CNTN5: variants seen among roughly 807,000 people sequenced by gnomAD.
CNTN5 encodes the protein contactin 5, also known as contactin-5.
Under a neutral mutation model 129.1 loss-of-function variants are expected in CNTN5, and 77 were observed. The observed-to-expected ratio is 0.60, with a 90% CI of 0.50 to 0.72. The LOEUF is 0.72. Ranked by LOEUF, CNTN5 falls within the 30% of genes least tolerant of loss-of-function variation. The pLI is 0.00. For missense variants in CNTN5, 1,478 were observed against 1,328.8 expected, an observed-to-expected ratio of 1.11 and a Z score of -1.75; for synonymous variants, 509 against 465.6, an observed-to-expected ratio of 1.09 and a Z score of -1.20.
At chr11:99,399,196 T>A (rs1941677123) in intron 2 of CNTN5, among the ~76,000 whole-genome samples, 1 of 151,406 alleles carries the variant, frequency 6.6e-6, no homozygotes, top group South Asian at 2.1e-4. Flanking sequence ...AATGATATAA[T>A]ACATATACTT....
chr11:100,193,281 G>T (rs1446222818), intron 14 of CNTN5, among the ~76,000 whole-genome samples: 1 of 151,884 alleles, frequency 6.6e-6, no homozygotes, highest in Non-Finnish European at 1.5e-5. Context: ...AATAGGAACA[G>T]AGGCTCTTAA....
At chr11:99,030,036 A>T (rs187974305) in intron 1 of CNTN5, among the ~76,000 whole-genome samples, 4 of 152,310 alleles carry the variant, frequency 2.6e-5, no homozygotes, top group Non-Finnish European at 5.9e-5. Flanking sequence ...GAGAGAAGAG[A>T]GAAGAAACCA....
At chr11:99,264,931 T>A (rs1239116237) in intron 1 of CNTN5, among the ~76,000 whole-genome samples, 1 of 152,076 alleles carries the variant, frequency 6.6e-6, no homozygotes, top group Non-Finnish European at 1.5e-5. Flanking sequence ...TAATTTTATG[T>A]TTTTATAATT....
intron 3 of CNTN5, among the ~76,000 whole-genome samples, chr11:99,740,333 A>G (rs1421359335): frequency 6.6e-6 from 1 of 152,194 alleles, no homozygotes; most frequent in Non-Finnish European, 1.5e-5. Context: ...TGCATGGAAC[A>G]AATTTACTCA....
At chr11:99,655,319 A>T (rs573372329) in intron 3 of CNTN5, among the ~76,000 whole-genome samples, 1 of 152,242 alleles carries the variant, frequency 6.6e-6, no homozygotes, top group East Asian at 1.9e-4. Context: ...CTCGGCAAGA[A>T]GAAGTGGTCC....
At chr11:99,396,845 G>A (rs1941552242) in intron 2 of CNTN5, among the ~76,000 whole-genome samples, 1 of 151,654 alleles carries the variant, frequency 6.6e-6, no homozygotes, top group African/African-American at 2.4e-5. Context: ...ATTCCTGGTT[G>A]AATATTAAGT....
At chr11:99,384,423 T>G (rs1940793542) in intron 2 of CNTN5, among the ~76,000 whole-genome samples, 1 of 152,186 alleles carries the variant, frequency 6.6e-6, no homozygotes, top group African/African-American at 2.4e-5. Flanking sequence ...CTAGATCTGA[T>G]TGATATTTGA....
Position 99,990,849 on chromosome 11 carries a change from C to T in CNTN5, c.878-11185C>T, listed in dbSNP as rs559138470. Reference sequence around the variant, plus strand: ...TGTTGATAAATAATATATAATCTAACGTACTACTAGATTTCTAAACCCTCA... The same window carrying T: ...TGTTGATAAATAATATATAATCTAATGTACTACTAGATTTCTAAACCCTCA... On this transcript the variant is annotated intron_variant, in intron 8 of 24. Coordinates refer to ENST00000524871, the MANE Select transcript of CNTN5 (RefSeq NM_014361.4). Among the ~76,000 whole-genome samples, 5 of 152,168 alleles carry T rather than the reference C, an allele frequency of 3.3e-5. No individual in the cohort carries two copies. In the East Asian group the frequency reaches 5.8e-4, roughly 18 times the overall value.
chr11:99,166,394 T>C (rs1029709840), intron 1 of CNTN5, among the ~76,000 whole-genome samples: 6 of 120,686 alleles, frequency 5.0e-5, no homozygotes, highest in African/African-American at 1.9e-4. Context: ...AGCAAGACTC[T>C]GTCAAAAAAA....
At chr11:99,182,315 G>A (rs1052264002) in intron 1 of CNTN5, among the ~76,000 whole-genome samples, 15 of 152,076 alleles carry the variant, frequency 9.9e-5, no homozygotes, top group Non-Finnish European at 1.5e-5. Flanking sequence ...AAAGCTACTC[G>A]ACAATAAAGA....
At chr11:99,554,695 T>C (rs1200910971) in intron 2 of CNTN5, among the ~76,000 whole-genome samples, 6 of 152,118 alleles carry the variant, frequency 3.9e-5, no homozygotes, top group African/African-American at 1.4e-4. Flanking sequence ...AATTTAATCA[T>C]GAATTGAAAC....
intron 9 of CNTN5, among the ~76,000 whole-genome samples, chr11:100,050,469 C>G (rs1361686337): frequency 6.7e-6 from 1 of 149,888 alleles, no homozygotes. Context: ...ACTCTGGGGA[C>G]TGTTGTGGGG....
At chr11:99,321,026 G>GT (rs985744604) in intron 1 of CNTN5, among the ~76,000 whole-genome samples, 5 of 152,080 alleles carry the variant, frequency 3.3e-5, no homozygotes, top group Admixed American at 6.6e-5. Flanking sequence ...GACATTGCTT[G>GT]TTTTTTTGTT....
At chr11:99,524,272 T>G (rs1947401551) in intron 2 of CNTN5, among the ~76,000 whole-genome samples, 1 of 152,150 alleles carries the variant, frequency 6.6e-6, no homozygotes, top group Non-Finnish European at 1.5e-5. Context: ...CTGTTAAAAT[T>G]TCTGATTATA....
chr11:99,361,060 T>A (rs934641447), intron 2 of CNTN5, among the ~76,000 whole-genome samples: 3 of 152,200 alleles, frequency 2.0e-5, no homozygotes, highest in African/African-American at 7.2e-5. Flanking sequence ...CTTTGCCACT[T>A]CATAAAAAGG....
chr11:99,323,680 A>G (rs1865664243), intron 1 of CNTN5, among the ~76,000 whole-genome samples: 3 of 152,140 alleles, frequency 2.0e-5, no homozygotes, highest in African/African-American at 7.2e-5. Flanking sequence ...CTTAATGACA[A>G]TCCAAGATGA....
chr11:99,683,093 A>C (rs985905863), intron 3 of CNTN5, among the ~76,000 whole-genome samples: 1 of 151,964 alleles, frequency 6.6e-6, no homozygotes, highest in Non-Finnish European at 1.5e-5. Context: ...AATATTATCT[A>C]TATGACTACA....
chr11:99,359,071 A>G (rs1938918345), intron 2 of CNTN5, among the ~76,000 whole-genome samples: 1 of 152,170 alleles, frequency 6.6e-6, no homozygotes. Context: ...ATTACCCCTA[A>G]AATGCAGTTG....
intron 4 of CNTN5, among the ~76,000 whole-genome samples, chr11:99,824,583 T>G (rs1946896559): frequency 6.6e-6 from 1 of 151,864 alleles, no homozygotes. Flanking sequence ...TAAACAGAAT[T>G]TTTTGATTTT....
Sources: allele counts gnomAD v4.1 joint callset (sites outside exome capture counted in the v4.1 genomes callset), GRCh38; gene constraint gnomAD v4.1.1; transcripts MANE v1.5; gene names NCBI Gene and HGNC (gene_info 2026-07-23, HGNC 2026-07-21).